Variants in POLE observed in about 807,000 individuals in gnomAD.
POLE encodes the protein DNA polymerase epsilon, catalytic subunit, also known as DNA polymerase epsilon catalytic subunit A.
A neutral mutation model predicts 279.2 loss-of-function variants in POLE; 188 were observed. That is an observed-to-expected ratio of 0.67 (90% CI 0.60 to 0.76). The LOEUF (loss-of-function observed/expected upper bound fraction) is 0.76. Among genes scored for constraint, POLE ranks in the 30% least tolerant of loss-of-function variants. The pLI, the probability that POLE is intolerant of heterozygous loss-of-function variation, is 0.00. For synonymous variants in POLE, 1,214 were observed against 1,172.5 expected (o/e 1.04, Z -0.72); for missense variants, 2,703 against 3,016.7 (o/e 0.90, Z 2.44).
chr12:132,627,896 A>G lies in POLE; in HGVS notation c.6331-1579T>C, dbSNP rs7296272. On this transcript the variant is annotated intron_variant, in intron 45 of 48. Transcript: ENST00000320574. ...CTCTTCCTTCCATGAAAGACTCTGT[A>G]GCATGTGATGCTGTTTGATAACATT... 2.7e-3 allele frequency among the ~76,000 whole-genome samples: 415 copies of G among 152,368 alleles called. 2 individuals are homozygous for G. The highest frequency in any genetic ancestry group is 9.3e-3 in the African/African-American group (386 of 41,592).
intron 26 of POLE, chr12:132,658,580 T>C (rs2042602372): frequency 6.5e-6 from 1 of 153,250 alleles, no homozygotes; most frequent in Admixed American, 6.5e-5. Context: ...AAAACGAGCC[T>C]GTTTTCATGT....
rs761075014 is a variant in POLE, at chr12:132,672,333, A to C, written c.1687-11T>G. 1.9e-6 allele frequency: 3 copies of C among 1,608,918 alleles called. No individual in the cohort carries two copies. Among genetic ancestry groups the C allele is most frequent in the Non-Finnish European group, 2.6e-6 (3 of 1,175,266 alleles). ...AAAGGCGGCAGGATTCTAGCACAAC[A>C]GTGAGACGACGGGGTCAGAGGGGAA... On this transcript the variant is annotated splice_polypyrimidine_tract_variant and intron_variant, in intron 15 of 48. Coordinates refer to ENST00000320574, the MANE Select transcript of POLE (RefSeq NM_006231.4).
At chr12:132,679,787 C>T in intron 5 of POLE, 136 bp from the exon 6 acceptor site, 2 of 1,025,072 alleles carry the variant, frequency 2.0e-6, no homozygotes, top group Non-Finnish European at 2.9e-6. Context: ...CTGCACGTGG[C>T]ACCAACTAAC....
Position 132,649,497 on chromosome 12 carries a change from G to A in POLE, c.3814C>T (p.Leu1272Phe), listed in dbSNP as rs2042370072. 2 of 1,611,946 alleles carry A rather than the reference G, an allele frequency of 1.2e-6. No individual in the cohort carries two copies. Among genetic ancestry groups the A allele is most frequent in the Admixed American group, 1.7e-5 (1 of 60,004 alleles). The change falls in exon 31 of 49, where the codon CTC becomes TTC. Residue 1272 changes from leucine to phenylalanine, a missense_variant. Physicochemically the swap from Leu to Phe is conservative, Grantham distance 22. This residue lies in a region of POLE where 1,551 missense variants were observed against 1,686.1 expected (regional missense o/e 0.92). Transcript: ENST00000320574. ...TGCCACTTCTTCTTGTGGAACCGGA[G>A]CCAGACAAGCCATTCCTCCTGGGAT... ...GTSQEEWLVW[L>F]RFHKKKWQLQ...
intron 26 of POLE, 89 bp downstream of exon 26, chr12:132,659,206 G>C (rs776191115): frequency 6.7e-6 from 9 of 1,347,134 alleles, no homozygotes; most frequent in African/African-American, 1.5e-5. Flanking sequence ...TGTGATGAGG[G>C]GAGCCCTCAC....
intron 32 of POLE, among the ~76,000 whole-genome samples, chr12:132,645,365 GA>G (rs1297141615): frequency 6.8e-6 from 1 of 147,660 alleles, no homozygotes; most frequent in African/African-American, 2.5e-5. Flanking sequence ...GAGAGCTGGA[GA>G]GGGGGCACCC....
chr12:132,669,543 A>G (rs1295005278), intron 16 of POLE, among the ~76,000 whole-genome samples: 1 of 152,262 alleles, frequency 6.6e-6, no homozygotes, highest in Non-Finnish European at 1.5e-5. Context: ...AATTTTAAGA[A>G]AAAAGTGATT....
Position 132,634,005 on chromosome 12 carries a change from T to C in POLE, c.6004+181A>G. The stretch of plus-strand genomic sequence containing the variant: ...AGTCACCCCTCTCCGGGCCCTCCAG[T>C]GGAACATGCCTGGAGCCTGGAGAGG... On this transcript the variant is annotated intron_variant, in intron 43 of 48. Transcript: ENST00000320574. The surrounding 1 kb of genome is among the most constrained non-coding windows in gnomAD (Gnocchi z 4.0). 1.7e-6 allele frequency: 1 copy of C among 585,792 alleles called. No individual in the cohort carries two copies. The highest frequency in any genetic ancestry group is 2.4e-5 in the South Asian group (1 of 41,326). 36.3% of individuals were successfully genotyped at this position (585,792 alleles called of 1,614,324 possible). A position where few individuals can be genotyped will look rare whatever the true frequency, so the allele number is the denominator to read the frequency against.
intron 6 of POLE, among the ~76,000 whole-genome samples, chr12:132,678,892 A>T (rs187611352): frequency 1.3e-5 from 2 of 152,354 alleles, no homozygotes; most frequent in Admixed American, 6.5e-5. Flanking sequence ...CCAATATTTC[A>T]AAAAGCAACT....
At chr12:132,659,542 A>C in intron 25 of POLE, 33 bp from the exon 26 acceptor site, 1 of 1,576,352 alleles carries the variant, frequency 6.3e-7, no homozygotes, top group Non-Finnish European at 8.7e-7. Context: ...ACACTGCAGA[A>C]ATCAAGGGGC....
Position 132,680,234 on chromosome 12 carries a change from C to T in POLE, c.286-12G>A, listed in dbSNP as rs1244267880. The T allele has an allele frequency of 1.9e-6, 3 of 1,612,632 alleles. No homozygotes were observed. In the African/African-American group the frequency reaches 4.0e-5, roughly 22 times the overall value. Reference sequence around the variant, plus strand: ...TAGGGCAAAGCCACCTGTTAAGAGTCACCAACCCATCCAGGGGTGATGAGA... The same window carrying T: ...TAGGGCAAAGCCACCTGTTAAGAGTTACCAACCCATCCAGGGGTGATGAGA... On this transcript the variant is annotated splice_polypyrimidine_tract_variant and intron_variant, in intron 3 of 48. Transcript: ENST00000320574.
Position 132,677,365 on chromosome 12 carries a change from G to C in POLE, c.799C>G (p.Pro267Ala). 6.2e-7 allele frequency: 1 copy of C among 1,612,850 alleles called. No individual in the cohort carries two copies. Among genetic ancestry groups the C allele is most frequent in the Non-Finnish European group, 8.5e-7 (1 of 1,178,864 alleles). The stretch of plus-strand genomic sequence containing the variant: ...AAGGTAACACAAGCAAAACTTACAG[G>C]TCGTTCAACAAGGTCATCTCGGCGG... ...ITRRDDLVER[P>A]DPVVLAFDIE... Residue 267 changes from proline (P) to alanine (A), a missense_variant and splice_region_variant, in exon 8 of 49, where the codon CCT becomes GCT. Transcript: ENST00000320574.
chr12:132,665,543 T>G (rs2042778816), intron 20 of POLE, 93 bp from the exon 21 acceptor site: 2 of 1,412,474 alleles, frequency 1.4e-6, no homozygotes, highest in Non-Finnish European at 1.9e-6. Flanking sequence ...TTTGAAAATT[T>G]TCAAATCTAT....
chr12:132,649,606 G>C (rs902357465), intron 30 of POLE, 71 bp downstream of exon 30: 27 of 1,600,784 alleles, frequency 1.7e-5, no homozygotes, highest in Non-Finnish European at 2.3e-5. Context: ...CTAGGGGTCA[G>C]GACGCATCTC....
chr12:132,628,142 G>T (rs924619531), intron 45 of POLE, among the ~76,000 whole-genome samples: 3 of 152,184 alleles, frequency 2.0e-5, no homozygotes, highest in South Asian at 4.1e-4. Flanking sequence ...AGGAGATCGA[G>T]ACCATCCTGG....
intron 8 of POLE, 46 bp from the exon 9 acceptor site, chr12:132,676,699 T>C: frequency 8.2e-7 from 1 of 1,219,716 alleles, no homozygotes; most frequent in Non-Finnish European, 1.2e-6. Flanking sequence ...AACTCCCCAT[T>C]AGGCCTCCCT....
At position 132,661,090 on chromosome 12, in the gene POLE, T is replaced by C. The variant is rs1279210115; in HGVS notation, c.2939A>G (p.Gln980Arg). 4.3e-6 allele frequency: 7 copies of C among 1,613,550 alleles called. No individual in the cohort carries two copies. Among genetic ancestry groups the C allele is most frequent in the Non-Finnish European group, 5.9e-6 (7 of 1,179,920 alleles). ...GFEVKRRGEL[Q>R]LIKIFQSSVF... Reference sequence around the variant, plus strand: ...CGAGGATTGGAAGATCTTAATCAGCTGCAGTTCCCCGCGGCGTTTGACCTC... The same window carrying C: ...CGAGGATTGGAAGATCTTAATCAGCCGCAGTTCCCCGCGGCGTTTGACCTC... The change falls in exon 25 of 49, where the codon CAG becomes CGG. Residue 980 changes from glutamine (Q) to arginine (R), a missense_variant. Physicochemically the swap from Gln to Arg is conservative, Grantham distance 43 (BLOSUM62 1). Around this residue, in one of 5 missense-constraint regions of POLE, gnomAD observed 19 missense variants for 51.5 expected, o/e 0.37. Coordinates refer to ENST00000320574, the MANE Select transcript of POLE (RefSeq NM_006231.4). This position sits in a 1 kb window ranked among gnomAD's most constrained non-coding sequence, Gnocchi z 4.1.
intron 43 of POLE, 197 bp downstream of exon 43, chr12:132,633,989 T>A: frequency 1.9e-6 from 1 of 535,876 alleles, no homozygotes; most frequent in Non-Finnish European, 3.3e-6. Flanking sequence ...CAGTCACCCC[T>A]CTCCGGGCCC....
In POLE at chr12:132,668,865, G is replaced by A. The variant is rs1593793302; in HGVS notation, c.1869C>T (p.Tyr623=). ...GGTACATGGCCCCCACGTCCAGGTG[G>A]TAGATGAGTGGACACTCGATGCGGC... is the stretch of plus-strand genomic sequence containing the variant. ...VPSRIECPLI[Y]HLDVGAMYPN... The change falls in exon 17 of 49, where the codon TAC becomes TAT. Residue 623 remains tyrosine (Y), a synonymous_variant. Transcript: ENST00000320574. The surrounding 1 kb of genome is among the most constrained non-coding windows in gnomAD (Gnocchi z 4.0). 6.2e-7 allele frequency: 1 copy of A among 1,614,100 alleles called. No homozygotes were observed. Among genetic ancestry groups the A allele is most frequent in the Non-Finnish European group, 8.5e-7 (1 of 1,179,964 alleles).
Sources: allele counts gnomAD v4.1 joint callset (sites outside exome capture counted in the v4.1 genomes callset), GRCh38; gene constraint gnomAD v4.1.1; regional missense constraint gnomAD v4.1.1; non-coding constraint Gnocchi (gnomAD v3.1); transcripts MANE v1.5; gene names NCBI Gene and HGNC (gene_info 2026-07-23, HGNC 2026-07-21).